The following SLC4A5 variants were observed in gnomAD, a reference collection of about 807,000 sequenced individuals.
SLC4A5 encodes the protein electrogenic sodium bicarbonate cotransporter 4.
A neutral mutation model predicts 120.4 loss-of-function variants in SLC4A5; 96 were observed. The ratio of observed to expected loss-of-function variants is 0.80; its 90% CI spans 0.68 to 0.94. The LOEUF (loss-of-function observed/expected upper bound fraction) is 0.94. Among genes scored for constraint, SLC4A5 ranks in the 40% least tolerant of loss-of-function variants. SLC4A5 has a pLI of 0.00. For missense variants in SLC4A5, 1,259 were observed against 1,459.5 expected (o/e 0.86, Z 2.24); for synonymous variants, 550 against 571.1 (o/e 0.96, Z 0.53).
At chr2:74,312,810 A>G (rs571523832) in intron 6 of SLC4A5, among the ~76,000 whole-genome samples, 1 of 152,134 alleles carries the variant, frequency 6.6e-6, no homozygotes, top group African/African-American at 2.4e-5. Flanking sequence ...GTGGGCACCT[A>G]TAGTCCCAGC....
At chr2:74,239,150 A>G (rs112426768) in intron 21 of SLC4A5, among the ~76,000 whole-genome samples, 185 bp downstream of exon 21, 5 of 152,364 alleles carry the variant, frequency 3.3e-5, no homozygotes, top group African/African-American at 1.2e-4. Flanking sequence ...TAAAAGCCTG[A>G]CAATACCAAG....
chr2:74,305,977 G>GC (rs1241648303), intron 6 of SLC4A5, among the ~76,000 whole-genome samples: 5 of 152,022 alleles, frequency 3.3e-5, no homozygotes, highest in Non-Finnish European at 7.4e-5. Context: ...ACCCGCCTTG[G>GC]CCTCCCAAAG....
chr2:74,272,841 G>T (rs573907473), intron 8 of SLC4A5, among the ~76,000 whole-genome samples: 1 of 152,346 alleles, frequency 6.6e-6, no homozygotes, highest in Non-Finnish European at 1.5e-5. Context: ...ACCAGGTACA[G>T]TCAAGGCTTC....
chr2:74,252,878 A>G (rs1224438569), intron 15 of SLC4A5, 96 bp downstream of exon 15: 1 of 1,428,890 alleles, frequency 7.0e-7, no homozygotes, highest in African/African-American at 1.4e-5. Context: ...ATGAGCCACT[A>G]TGCTGAGCCT....
intron 7 of SLC4A5, among the ~76,000 whole-genome samples, chr2:74,296,212 G>C (rs970556533): frequency 6.6e-6 from 1 of 152,110 alleles, no homozygotes; most frequent in African/African-American, 2.4e-5. Context: ...GGCGATCTTG[G>C]TTTTAAGGTG....
At position 74,250,534 on chromosome 2, in the gene SLC4A5, CA is replaced by C. The variant is rs1260746727; in HGVS notation, c.1479-18del. 2.2e-5 allele frequency: 36 copies of C among 1,613,668 alleles called. No individual in the cohort carries two copies. Among genetic ancestry groups the C allele is most frequent in the Non-Finnish European group, 2.9e-5 (34 of 1,179,826 alleles). Reference sequence around the variant, plus strand: ...CCGAAGAACCTGCTCAAGACAGGCCCAGGGGCTGCTTTCTCACCACTAACAC... The same window carrying C: ...CCGAAGAACCTGCTCAAGACAGGCCCGGGGCTGCTTTCTCACCACTAACAC... On this transcript the variant is annotated intron_variant, in intron 16 of 30. Transcript: ENST00000394019.
chr2:74,232,426 G>A (rs749233046), intron 24 of SLC4A5, 43 bp downstream of exon 24: 7 of 1,582,788 alleles, frequency 4.4e-6, no homozygotes, highest in Non-Finnish European at 6.0e-6. Context: ...CCCCGAGTGG[G>A]CCCCTCCCCA....
At chr2:74,232,390 T>G in intron 24 of SLC4A5, 79 bp downstream of exon 24, 2 of 1,526,228 alleles carry the variant, frequency 1.3e-6, no homozygotes, top group East Asian at 4.5e-5. Context: ...CAAATCCTTT[T>G]GTGGCAGGCA....
At chr2:74,312,591 C>A (rs998223921) in intron 6 of SLC4A5, among the ~76,000 whole-genome samples, 4 of 152,036 alleles carry the variant, frequency 2.6e-5, no homozygotes, top group African/African-American at 9.7e-5. Flanking sequence ...TTTGATCCTG[C>A]CTAACATCCT....
chr2:74,220,969 T>C (rs1229991764), intron 30 of SLC4A5, among the ~76,000 whole-genome samples: 3 of 150,868 alleles, frequency 2.0e-5, no homozygotes, highest in African/African-American at 7.3e-5. Context: ...GCCTCCCTAG[T>C]AGCTGGGACT....
intron 22 of SLC4A5, among the ~76,000 whole-genome samples, chr2:74,234,661 C>T (rs1205532400): frequency 6.6e-6 from 1 of 152,174 alleles, no homozygotes; most frequent in Non-Finnish European, 1.5e-5. Flanking sequence ...ACAGGTGGGG[C>T]CGAGAAATTG....
At chr2:74,237,392 A>G (rs1670302554) in intron 21 of SLC4A5, among the ~76,000 whole-genome samples, 1 of 152,198 alleles carries the variant, frequency 6.6e-6, no homozygotes, top group Non-Finnish European at 1.5e-5. Context: ...AGATACAGTG[A>G]CTGCTTGAGA....
intron 8 of SLC4A5, among the ~76,000 whole-genome samples, chr2:74,285,298 G>T (rs1289705991): frequency 2.0e-5 from 3 of 152,252 alleles, no homozygotes; most frequent in African/African-American, 7.2e-5. Flanking sequence ...TGAACAACAT[G>T]GATTTTGAAC....
chr2:74,283,730 A>G (rs1671886625), intron 8 of SLC4A5, among the ~76,000 whole-genome samples: 1 of 152,186 alleles, frequency 6.6e-6, no homozygotes, highest in Admixed American at 6.5e-5. Context: ...CTTGGGCATA[A>G]TTGCCCCCAA....
chr2:74,247,402 C>T, intron 18 of SLC4A5, 95 bp from the exon 19 acceptor site: 2 of 1,320,462 alleles, frequency 1.5e-6, no homozygotes, highest in Non-Finnish European at 2.1e-6. Context: ...ATCTGTCCTC[C>T]TGTGGCACTG....
intron 5 of SLC4A5, among the ~76,000 whole-genome samples, chr2:74,319,729 C>T (rs1465836602): frequency 3.9e-5 from 6 of 152,160 alleles, no homozygotes; most frequent in Non-Finnish European, 8.8e-5. Flanking sequence ...GACTTCCCAT[C>T]AGCCACCCCT....
At chr2:74,235,147 C>G (rs1441128920) in exon 22 of SLC4A5, 1 of 1,614,030 alleles carries the variant, frequency 6.2e-7, no homozygotes, top group African/African-American at 1.3e-5. Flanking sequence ...TAGGCCAAAA[C>G]AGGCATCGAT....
exon 19 of SLC4A5, chr2:74,247,173 G>A (rs1670639012): frequency 1.2e-6 from 2 of 1,614,236 alleles, no homozygotes; most frequent in Non-Finnish European, 1.7e-6. Context: ...GATAAGGGTG[G>A]AGAAGCCCTC....
At chr2:74,233,924 G>A (rs1019547490) in intron 22 of SLC4A5, among the ~76,000 whole-genome samples, 1 of 152,114 alleles carries the variant, frequency 6.6e-6, no homozygotes, top group Non-Finnish European at 1.5e-5. Context: ...GAAATGGGTG[G>A]GCCCAGGGCC....
Sources: allele counts gnomAD v4.1 joint callset (sites outside exome capture counted in the v4.1 genomes callset), GRCh38; gene constraint gnomAD v4.1.1; transcripts MANE v1.5; gene names NCBI Gene and HGNC (gene_info 2026-07-23, HGNC 2026-07-21).